The following XKR6 variants were observed in gnomAD, a reference collection of about 807,000 sequenced individuals.
XKR6 encodes XK related 6, also known as XK-related protein 6.
XKR6 carries 22 observed loss-of-function variants against 56.7 expected under a neutral mutation model. The ratio of observed to expected loss-of-function variants is 0.39; its 90% CI spans 0.28 to 0.55. The LOEUF is 0.55. Ranked by LOEUF, XKR6 falls within the 20% of genes least tolerant of loss-of-function variation. The pLI is 0.66. For synonymous variants in XKR6, 524 were observed against 387.8 expected, an observed-to-expected ratio of 1.35 and a Z score of -4.13; for missense variants, 852 against 889.0, an observed-to-expected ratio of 0.96 and a Z score of 0.53.
chr8:11,049,024 C>A (rs919570188), intron 1 of XKR6, among the ~76,000 whole-genome samples: 1 of 152,206 alleles, frequency 6.6e-6, no homozygotes, highest in African/African-American at 2.4e-5. Flanking sequence ...GGAACAAGAT[C>A]CCGTGACTAT....
intron 1 of XKR6, 72 bp from the exon 2 acceptor site, chr8:10,924,902 C>T: frequency 6.7e-7 from 1 of 1,492,190 alleles, no homozygotes; most frequent in Non-Finnish European, 9.1e-7. Flanking sequence ...CTTGCCATCC[C>T]CCTAAAACCA....
At position 11,201,482 on chromosome 8, in the gene XKR6, AGT is replaced by A. The variant is rs1316789103; in HGVS notation, c.-145_-144del. 1.8e-6 allele frequency: 1 copy of A among 555,242 alleles called. No homozygotes were observed. The highest frequency in any genetic ancestry group is 3.5e-5 in the Admixed American group (1 of 28,296). 34.4% of individuals were successfully genotyped at this position (555,242 alleles called of 1,614,324 possible). A position where few individuals can be genotyped will look rare whatever the true frequency, so the allele number is the denominator to read the frequency against. ...CGGGGGAGCAAACGAACGAGGGGGG[AGT>A]GGGCCAGGGAACCCCCTCCGCTTCC... On this transcript the variant is annotated 5_prime_UTR_variant, in exon 1 of 3. Coordinates refer to ENST00000416569, the MANE Select transcript of XKR6 (RefSeq NM_173683.4).
chr8:11,137,264 G>C (rs950538437), intron 1 of XKR6: 9 of 244,384 alleles, frequency 3.7e-5, no homozygotes, highest in South Asian at 2.9e-4. Context: ...TTCCAGAAAT[G>C]TCTACTAAAG....
intron 1 of XKR6, among the ~76,000 whole-genome samples, chr8:11,123,003 G>A (rs895242307): frequency 4.0e-5 from 6 of 151,896 alleles, no homozygotes; most frequent in Admixed American, 2.6e-4. Flanking sequence ...TTGGGAGGCC[G>A]AGGTGGGTGG....
chr8:11,150,475 G>A (rs948686666), intron 1 of XKR6, among the ~76,000 whole-genome samples: 1 of 152,134 alleles, frequency 6.6e-6, no homozygotes, highest in Non-Finnish European at 1.5e-5. Context: ...CCGGGGTTCT[G>A]GAAACTTCTC....
chr8:11,004,504 A>G (rs545523638), intron 1 of XKR6, among the ~76,000 whole-genome samples: 14 of 152,278 alleles, frequency 9.2e-5, no homozygotes, highest in African/African-American at 3.4e-4. Flanking sequence ...AATAAAAAAT[A>G]AAGCTCCGGT....
At chr8:11,184,746 G>A (rs1366951891) in intron 1 of XKR6, among the ~76,000 whole-genome samples, 1 of 151,902 alleles carries the variant, frequency 6.6e-6, no homozygotes, top group Non-Finnish European at 1.5e-5. Flanking sequence ...TGTCCAGGCT[G>A]GTCTCAAACT....
intron 1 of XKR6, among the ~76,000 whole-genome samples, chr8:11,065,318 T>A (rs1035996538): frequency 1.3e-5 from 2 of 152,222 alleles, no homozygotes; most frequent in African/African-American, 4.8e-5. Flanking sequence ...ATGGATCTTG[T>A]CAGTTCCCTT....
Position 11,071,700 on chromosome 8 carries a change from C to T in XKR6, c.764+128876G>A, listed in dbSNP as rs1003350291. 2.6e-5 allele frequency among the ~76,000 whole-genome samples: 4 copies of T among 151,878 alleles called. No individual in the cohort carries two copies. The South Asian group carries it at 8.3e-4, about 32-fold the overall frequency. ...CCATGAGCCCGGAGTCTATGAGCCCCGAGTCTATGAGCCCCAAGTCTATGT... is the reference window on the plus strand; with the variant it reads ...CCATGAGCCCGGAGTCTATGAGCCCTGAGTCTATGAGCCCCAAGTCTATGT... On this transcript the variant is annotated intron_variant, in intron 1 of 2. Transcript: ENST00000416569.
intron 1 of XKR6, among the ~76,000 whole-genome samples, chr8:11,155,049 G>T (rs1243376661): frequency 6.6e-6 from 1 of 152,206 alleles, no homozygotes; most frequent in Non-Finnish European, 1.5e-5. Context: ...AAAACAAACA[G>T]CAATATTTTG....
intron 1 of XKR6, among the ~76,000 whole-genome samples, chr8:10,991,448 G>C (rs11250105): frequency 6.6e-6 from 1 of 152,174 alleles, no homozygotes; most frequent in Non-Finnish European, 1.5e-5. Flanking sequence ...TTATGATTCA[G>C]AAGCTATCCA....
intron 1 of XKR6, among the ~76,000 whole-genome samples, chr8:11,050,806 A>G (rs1310048801): frequency 1.3e-5 from 2 of 151,870 alleles, no homozygotes; most frequent in Admixed American, 6.6e-5. Context: ...CCCCAGAACC[A>G]TTGGCCCCAT....
At chr8:10,993,233 A>G (rs1798033680) in intron 1 of XKR6, among the ~76,000 whole-genome samples, 1 of 152,236 alleles carries the variant, frequency 6.6e-6, no homozygotes, top group South Asian at 2.1e-4. Context: ...GATGCTTTTT[A>G]TTCAAGTCAC....
intron 1 of XKR6, among the ~76,000 whole-genome samples, chr8:11,023,649 G>A (rs908022116): frequency 1.4e-4 from 22 of 152,304 alleles, no homozygotes; most frequent in African/African-American, 5.3e-4. Flanking sequence ...TAAAGGTCTG[G>A]CCTGTTCCCC....
At chr8:10,987,856 C>G (rs1797898157) in intron 1 of XKR6, among the ~76,000 whole-genome samples, 1 of 152,196 alleles carries the variant, frequency 6.6e-6, no homozygotes, top group Non-Finnish European at 1.5e-5. Context: ...AAGCTCCTGC[C>G]ATGGCTCTTA....
At chr8:11,115,823 G>C (rs1325646545) in intron 1 of XKR6, among the ~76,000 whole-genome samples, 3 of 152,156 alleles carry the variant, frequency 2.0e-5, no homozygotes, top group African/African-American at 7.2e-5. Context: ...GCATAAATGG[G>C]TTAAAACCAG....
intron 1 of XKR6, among the ~76,000 whole-genome samples, chr8:11,071,201 G>A (rs1333669682): frequency 6.6e-6 from 1 of 152,182 alleles, no homozygotes; most frequent in Admixed American, 6.5e-5. Context: ...TCACGGGTGT[G>A]TGGTCATTGC....
chr8:10,997,448 G>A (rs942488424), intron 1 of XKR6, among the ~76,000 whole-genome samples: 2 of 152,092 alleles, frequency 1.3e-5, no homozygotes, highest in East Asian at 1.9e-4. Context: ...CAGGGGTGGC[G>A]GTCTGAGCTC....
In XKR6 at chr8:11,200,740, G is replaced by A; in HGVS notation, c.600C>T (p.Thr200=). ...GGGLGAVEGL[T]SRGPPMMGAG... is the part of the protein sequence containing the mutation. ...CCCCCATCATGGGGGGGCCCCGGCT[G>A]GTGAGCCCCTCCACGGCGCCCAGCC... Residue 200 remains threonine, a synonymous_variant, in exon 1 of 3, where the codon ACC becomes ACT. Coordinates refer to ENST00000416569, the MANE Select transcript of XKR6 (RefSeq NM_173683.4). This position sits in a 1 kb window ranked among gnomAD's most constrained non-coding sequence, Gnocchi z 6.4. 1.3e-6 allele frequency: 2 copies of A among 1,594,048 alleles called. No homozygotes were observed. The highest frequency in any genetic ancestry group is 1.1e-5 in the South Asian group (1 of 89,112).
Sources: gnomAD v4.1 joint callset for allele counts (sites outside exome capture counted in the v4.1 genomes callset) on GRCh38, gnomAD v4.1.1 for gene constraint, Gnocchi (gnomAD v3.1) non-coding constraint, MANE v1.5 for transcripts, NCBI Gene and HGNC (gene_info 2026-07-23, HGNC 2026-07-21) for gene names.